Variants in ITPR2 observed in about 807,000 individuals in gnomAD.
ITPR2 encodes the protein inositol 1,4,5-trisphosphate-gated calcium channel ITPR2.
In ITPR2, 207 loss-of-function variants were observed where a neutral mutation model predicts 317.1. The observed-to-expected ratio is 0.65, with a 90% CI of 0.58 to 0.73. The LOEUF (loss-of-function observed/expected upper bound fraction) is 0.73. Ranked by LOEUF, ITPR2 falls within the 30% of genes least tolerant of loss-of-function variation. The pLI, the probability that ITPR2 is intolerant of heterozygous loss-of-function variation, is 0.00. For missense variants in ITPR2, 2,613 were observed against 3,284.0 expected (o/e 0.80, Z 4.99); for synonymous variants, 1,156 against 1,149.1 (o/e 1.01, Z -0.12).
intron 32 of ITPR2, among the ~76,000 whole-genome samples, chr12:26,589,160 G>T (rs1368647919): frequency 6.6e-6 from 1 of 152,106 alleles, no homozygotes; most frequent in South Asian, 2.1e-4. Flanking sequence ...TAATAGCATC[G>T]CTGCCTGCCT....
At chr12:26,361,731 T>C (rs1382623161) in intron 55 of ITPR2, among the ~76,000 whole-genome samples, 2 of 152,226 alleles carry the variant, frequency 1.3e-5, no homozygotes, top group Non-Finnish European at 2.9e-5. Flanking sequence ...CAAAGGAACA[T>C]TGAAAACGTG....
At chr12:26,642,109 G>T (rs996530758) in intron 21 of ITPR2, among the ~76,000 whole-genome samples, 5 of 152,160 alleles carry the variant, frequency 3.3e-5, no homozygotes, top group African/African-American at 1.2e-4. Context: ...CAAAAGGCTT[G>T]CTGCCTAGAG....
intron 24 of ITPR2, 26 bp from the exon 25 acceptor site, chr12:26,622,431 G>A (rs770019786): frequency 6.4e-7 from 1 of 1,552,110 alleles, no homozygotes; most frequent in East Asian, 2.3e-5. Flanking sequence ...CATTTCTAAA[G>A]TGACTCCTAT....
At chr12:26,597,206 T>C in intron 30 of ITPR2, 72 bp from the exon 31 acceptor site, 1 of 1,510,974 alleles carries the variant, frequency 6.6e-7, no homozygotes, top group South Asian at 1.1e-5. Context: ...AAAGGCTTGA[T>C]ATATCTGGAA....
intron 1 of ITPR2, among the ~76,000 whole-genome samples, chr12:26,800,217 T>C (rs1950531486): frequency 1.2e-5 from 1 of 81,400 alleles, no homozygotes; most frequent in African/African-American, 4.4e-5. Context: ...AAGAAAAAAC[T>C]TTCCATTCAA....
intron 1 of ITPR2, among the ~76,000 whole-genome samples, chr12:26,794,779 AG>A (rs1291950688): frequency 6.6e-6 from 1 of 152,230 alleles, no homozygotes; most frequent in African/African-American, 2.4e-5. Flanking sequence ...CTTGCAGATT[AG>A]AGAGATCAAA....
At chr12:26,566,143 GGAAA>G in intron 34 of ITPR2, among the ~76,000 whole-genome samples, 1 of 120,024 alleles carries the variant, frequency 8.3e-6, no homozygotes, top group Admixed American at 8.2e-5. Flanking sequence ...GAGGAGGAGA[GGAAA>G]GGAGAAGGAG....
rs1941116964 is a variant in ITPR2, at chr12:26,428,115, C to T, written c.6770-27G>A. The T allele has an allele frequency of 2.6e-6, 4 of 1,533,946 alleles. No individual in the cohort carries two copies. In the East Asian group the frequency reaches 9.4e-5, roughly 36 times the overall value. On this transcript the variant is annotated intron_variant, in intron 48 of 56. Transcript: ENST00000381340. Reference sequence around the variant, plus strand: ...TGTAAAATGTGGAAGAAATTTATTGCTACTAAGAATAAAACTAAAAAATGC... The same window carrying T: ...TGTAAAATGTGGAAGAAATTTATTGTTACTAAGAATAAAACTAAAAAATGC...
chr12:26,665,420 C>T (rs1947603708), intron 14 of ITPR2, among the ~76,000 whole-genome samples: 2 of 152,198 alleles, frequency 1.3e-5, no homozygotes, highest in South Asian at 2.1e-4. Context: ...ATAGCCTCAT[C>T]GAATCCTCTC....
At chr12:26,808,155 A>G (rs902897402) in intron 1 of ITPR2, among the ~76,000 whole-genome samples, 2 of 152,240 alleles carry the variant, frequency 1.3e-5, no homozygotes, top group Admixed American at 1.3e-4. Context: ...CTGCCAGAGA[A>G]CAAAGCCTAC....
At chr12:26,385,423 T>G (rs1939637854) in intron 55 of ITPR2, among the ~76,000 whole-genome samples, 1 of 152,108 alleles carries the variant, frequency 6.6e-6, no homozygotes, top group Admixed American at 6.6e-5. Context: ...TCCTCACATA[T>G]CCTCACCCCT....
At chr12:26,726,402 A>T (rs1592073969) in intron 2 of ITPR2, among the ~76,000 whole-genome samples, 1 of 152,344 alleles carries the variant, frequency 6.6e-6, no homozygotes, top group East Asian at 1.9e-4. Flanking sequence ...TAAGTCAAGA[A>T]GCAAAATATA....
chr12:26,647,270 A>G (rs1302232367), intron 21 of ITPR2, among the ~76,000 whole-genome samples: 4 of 152,240 alleles, frequency 2.6e-5, no homozygotes, highest in Non-Finnish European at 5.9e-5. Context: ...TTCTAACCAC[A>G]TGCATATTCA....
At chr12:26,509,958 T>TTTTTTTTGTGTGTG (rs1247091708) in intron 37 of ITPR2, among the ~76,000 whole-genome samples, 1 of 53,262 alleles carries the variant, frequency 1.9e-5, no homozygotes, top group East Asian at 5.9e-4. Context: ...GATAAGGGTT[T>TTTTTTTTGTGTGTG]TGTGTGTGTG....
intron 55 of ITPR2, among the ~76,000 whole-genome samples, chr12:26,349,326 T>C (rs1938407713): frequency 6.6e-6 from 1 of 152,240 alleles, no homozygotes; most frequent in Non-Finnish European, 1.5e-5. Context: ...CAGATCCTTC[T>C]TTCTGTGTCT....
intron 52 of ITPR2, 70 bp downstream of exon 52, chr12:26,411,250 G>T: frequency 1.0e-6 from 1 of 967,078 alleles, no homozygotes; most frequent in Non-Finnish European, 1.6e-6. Context: ...TCCCTAAGAG[G>T]TAATAATATT....
chr12:26,522,838 C>T (rs1467696699), intron 37 of ITPR2, among the ~76,000 whole-genome samples: 1 of 151,190 alleles, frequency 6.6e-6, no homozygotes, highest in East Asian at 1.9e-4. Flanking sequence ...CATGCTTCCA[C>T]GGCGGGGGGG....
At chr12:26,426,181 G>C (rs1011839932) in intron 49 of ITPR2, among the ~76,000 whole-genome samples, 1 of 152,044 alleles carries the variant, frequency 6.6e-6, no homozygotes, top group Non-Finnish European at 1.5e-5. Flanking sequence ...CACTTTGTCA[G>C]ACTTGGATTT....
intron 30 of ITPR2, 86 bp from the exon 31 acceptor site, chr12:26,597,220 C>T (rs538665708): frequency 2.7e-5 from 37 of 1,368,986 alleles, no homozygotes; most frequent in Admixed American, 1.0e-4. Flanking sequence ...TCTGGAAACA[C>T]GTATATCTCT....
Sources: gnomAD v4.1 joint callset for allele counts (sites outside exome capture counted in the v4.1 genomes callset) on GRCh38, gnomAD v4.1.1 for gene constraint, MANE v1.5 for transcripts, NCBI Gene and HGNC (gene_info 2026-07-23, HGNC 2026-07-21) for gene names.